The following PRDM11 variants were observed in gnomAD, a reference collection of about 807,000 sequenced individuals.
PRDM11 encodes the protein PR/SET domain 11.
PRDM11 carries 20 observed loss-of-function variants against 97.8 expected under a neutral mutation model. The ratio of observed to expected loss-of-function variants is 0.20; its 90% confidence interval spans 0.14 to 0.30. PRDM11 has a LOEUF of 0.30. Ranked by LOEUF, PRDM11 falls within the 10% of genes least tolerant of loss-of-function variation. The pLI is 1.00. For synonymous variants in PRDM11, 599 were observed against 637.7 expected (o/e 0.94, Z 0.91); for missense variants, 1,139 against 1,555.2 (o/e 0.73, Z 4.50).
intron 4 of PRDM11, among the ~76,000 whole-genome samples, chr11:45,190,701 G>A (rs1425683450): frequency 6.6e-6 from 1 of 152,036 alleles, no homozygotes; most frequent in Non-Finnish European, 1.5e-5. Flanking sequence ...ATGAATGAAT[G>A]AGTGTTGCTA....
intron 1 of PRDM11, among the ~76,000 whole-genome samples, chr11:45,101,427 G>A (rs1051262564): frequency 2.0e-5 from 3 of 152,180 alleles, no homozygotes; most frequent in African/African-American, 7.2e-5. Context: ...ATGGTGGTCT[G>A]CACCTGTAGT....
Position 45,226,550 on chromosome 11 carries a change from G to A in PRDM11, c.1925G>A (p.Arg642Gln), listed in dbSNP as rs769005959. Reference sequence around the variant, plus strand: ...CAGATCCTCATCCATCACATCGCCCGGGCCCTGCGGGAAGACCTGGTGGAG... The same window carrying A: ...CAGATCCTCATCCATCACATCGCCCAGGCCCTGCGGGAAGACCTGGTGGAG... Reference protein sequence around the residue: ...DCQILIHHIARALREDLVERI... With the variant: ...DCQILIHHIAQALREDLVERI... The change falls in exon 8 of 8, where the codon CGG becomes CAG. Residue 642 changes from arginine (R) to glutamine (Q), a missense_variant. This residue lies in a region of PRDM11 where 710 missense variants were observed against 1,044.9 expected (regional missense o/e 0.68). Coordinates refer to ENST00000683152, the MANE Select transcript of PRDM11 (RefSeq NM_001384648.1). 153 of 1,533,922 alleles carry A rather than the reference G, an allele frequency of 1.0e-4. No individual in the cohort carries two copies. The highest frequency in any genetic ancestry group is 9.2e-4 in the Middle Eastern group (4 of 4,358).
At chr11:45,119,100 T>C (rs1319477479) in intron 1 of PRDM11, among the ~76,000 whole-genome samples, 1 of 152,190 alleles carries the variant, frequency 6.6e-6, no homozygotes, top group Non-Finnish European at 1.5e-5. Flanking sequence ...AAGTTTTCTG[T>C]GTTCTGGAGC....
At chr11:45,172,618 C>A (rs1223535292) in intron 1 of PRDM11, among the ~76,000 whole-genome samples, 1 of 152,158 alleles carries the variant, frequency 6.6e-6, no homozygotes, top group Non-Finnish European at 1.5e-5. Flanking sequence ...ATGGATTCAA[C>A]CAGCCATGGC....
intron 1 of PRDM11, chr11:45,147,399 T>C (rs1851548396): frequency 6.6e-6 from 1 of 152,104 alleles, no homozygotes; most frequent in African/African-American, 2.4e-5. Context: ...TGCTCGGGGA[T>C]GAAGGTGGGA....
intron 1 of PRDM11, among the ~76,000 whole-genome samples, chr11:45,106,874 G>A (rs1852071134): frequency 6.6e-6 from 1 of 152,252 alleles, no homozygotes; most frequent in African/African-American, 2.4e-5. Context: ...AGTCACAAAA[G>A]TCTATGAATC....
intron 1 of PRDM11, among the ~76,000 whole-genome samples, chr11:45,127,926 T>A (rs984110274): frequency 6.6e-6 from 1 of 152,220 alleles, no homozygotes; most frequent in Admixed American, 6.5e-5. Context: ...GCTGTCTTTT[T>A]GTCTTTGCCC....
chr11:45,204,891 G>A (rs1032065204), intron 5 of PRDM11, 113 bp downstream of exon 5: 27 of 1,130,990 alleles, frequency 2.4e-5, no homozygotes, highest in Non-Finnish European at 3.2e-5. Context: ...GGAGGCTGCC[G>A]TTTGCAGGGT....
At chr11:45,159,210 T>G (rs1327253029) in intron 1 of PRDM11, among the ~76,000 whole-genome samples, 1 of 152,184 alleles carries the variant, frequency 6.6e-6, no homozygotes, top group Non-Finnish European at 1.5e-5. Context: ...TTAGACTCAC[T>G]CTCATTTCTT....
chr11:45,213,936 C>A (rs942116934), intron 5 of PRDM11: 19 of 351,916 alleles, frequency 5.4e-5, no homozygotes, highest in Non-Finnish European at 1.0e-4. Context: ...CAGGCCTCTG[C>A]CCCCTGTATC....
At chr11:45,177,861 T>A (rs1336856593) in intron 1 of PRDM11, among the ~76,000 whole-genome samples, 1 of 152,154 alleles carries the variant, frequency 6.6e-6, no homozygotes, top group Non-Finnish European at 1.5e-5. Context: ...AACACCCCTC[T>A]TTCTCCATGA....
At chr11:45,163,656 G>A (rs913037042) in intron 1 of PRDM11, among the ~76,000 whole-genome samples, 24 of 152,272 alleles carry the variant, frequency 1.6e-4, no homozygotes, top group Middle Eastern at 3.2e-3. Flanking sequence ...CATGTTTGCT[G>A]TGTGGCTTTG....
At chr11:45,125,711 G>A (rs1252811707) in intron 1 of PRDM11, among the ~76,000 whole-genome samples, 1 of 152,188 alleles carries the variant, frequency 6.6e-6, no homozygotes, top group Non-Finnish European at 1.5e-5. Context: ...GAGACAGTTT[G>A]TTATAATTTC....
chr11:45,187,736 C>G (rs1852756606), intron 4 of PRDM11, among the ~76,000 whole-genome samples: 1 of 151,964 alleles, frequency 6.6e-6, no homozygotes, highest in South Asian at 2.1e-4. Context: ...TTTGGGAACC[C>G]AAGAGGTGAG....
chr11:45,151,344 G>A (rs1206993719), intron 1 of PRDM11, among the ~76,000 whole-genome samples: 3 of 152,230 alleles, frequency 2.0e-5, no homozygotes, highest in African/African-American at 4.8e-5. Flanking sequence ...AAAGAAAAAA[G>A]AAAATTGTGC....
At chr11:45,100,775 C>T (rs918516420) in intron 1 of PRDM11, among the ~76,000 whole-genome samples, 10 of 152,230 alleles carry the variant, frequency 6.6e-5, no homozygotes, top group South Asian at 4.1e-4. Context: ...TTATTGAACA[C>T]TTATTATGGG....
chr11:45,152,888 A>G (rs1313686569), intron 1 of PRDM11, among the ~76,000 whole-genome samples: 2 of 152,210 alleles, frequency 1.3e-5, no homozygotes, highest in African/African-American at 4.8e-5. Context: ...GGAGTTTACA[A>G]TCTGTCTGTT....
chr11:45,130,837 C>T (rs1482956382), intron 1 of PRDM11, among the ~76,000 whole-genome samples: 4 of 152,124 alleles, frequency 2.6e-5, no homozygotes, highest in African/African-American at 9.7e-5. Context: ...CTGTATTCAA[C>T]GTGTTATGAG....
intron 1 of PRDM11, among the ~76,000 whole-genome samples, chr11:45,162,899 C>T (rs547352031): frequency 5.9e-5 from 9 of 152,366 alleles, no homozygotes; most frequent in African/African-American, 2.2e-4. Flanking sequence ...GGGCAAGCAA[C>T]TCCAGGCTCT....
Sources: allele counts gnomAD v4.1 joint callset (sites outside exome capture counted in the v4.1 genomes callset), GRCh38; gene constraint gnomAD v4.1.1; regional missense constraint gnomAD v4.1.1; transcripts MANE v1.5; gene names NCBI Gene and HGNC (gene_info 2026-07-23, HGNC 2026-07-21).